The following CLASP2 variants were observed in gnomAD, a reference collection of about 807,000 sequenced individuals.
CLASP2 encodes cytoplasmic linker associated protein 2.
In CLASP2, 47 loss-of-function variants were observed where a neutral mutation model predicts 194.4. The ratio of observed to expected loss-of-function variants is 0.24; its 90% CI spans 0.19 to 0.31. CLASP2 has a LOEUF of 0.31. Among genes scored for constraint, CLASP2 ranks in the 10% least tolerant of loss-of-function variants. CLASP2 has a pLI of 1.00. For synonymous variants in CLASP2, 619 were observed against 633.5 expected (o/e 0.98, Z 0.34); for missense variants, 1,445 against 1,823.6 (o/e 0.79, Z 3.78).
intron 8 of CLASP2, among the ~76,000 whole-genome samples, chr3:33,633,721 G>A (rs1349792829): frequency 1.3e-5 from 2 of 151,534 alleles, no homozygotes; most frequent in African/African-American, 4.9e-5. Context: ...GGGGGTGGGG[G>A]GATGAAACAA....
At chr3:33,637,918 G>C (rs1559484866) in intron 8 of CLASP2, among the ~76,000 whole-genome samples, 1 of 152,152 alleles carries the variant, frequency 6.6e-6, no homozygotes, top group African/African-American at 2.4e-5. Flanking sequence ...ATAAAGATCT[G>C]CATTTTCTGT....
intron 38 of CLASP2, among the ~76,000 whole-genome samples, chr3:33,500,933 C>T (rs1030430339): frequency 2.0e-5 from 3 of 152,094 alleles, no homozygotes; most frequent in South Asian, 2.1e-4. Flanking sequence ...ATTAGAGACA[C>T]GGTCTTCTCA....
intron 9 of CLASP2, among the ~76,000 whole-genome samples, chr3:33,630,982 A>G (rs929990533): frequency 1.3e-5 from 2 of 152,244 alleles, no homozygotes; most frequent in Non-Finnish European, 2.9e-5. Flanking sequence ...GAAAAAACAT[A>G]TATCTCAATA....
At chr3:33,613,167 G>C (rs1390295886) in intron 12 of CLASP2, among the ~76,000 whole-genome samples, 1 of 152,100 alleles carries the variant, frequency 6.6e-6, no homozygotes, top group Non-Finnish European at 1.5e-5. Context: ...TTAATTTTTT[G>C]TAAATGCCCT....
At chr3:33,591,671 G>T (rs895385909) in intron 21 of CLASP2, among the ~76,000 whole-genome samples, 2 of 152,152 alleles carry the variant, frequency 1.3e-5, no homozygotes, top group African/African-American at 4.8e-5. Context: ...CTGAAACATA[G>T]AAATAATTAA....
intron 2 of CLASP2, among the ~76,000 whole-genome samples, chr3:33,693,950 T>C (rs938806960): frequency 6.6e-6 from 1 of 151,990 alleles, no homozygotes; most frequent in African/African-American, 2.4e-5. Flanking sequence ...GTTAATGTAA[T>C]TTATTAAGTA....
chr3:33,584,990 T>C (rs2067026673), intron 21 of CLASP2, 70 bp from the exon 22 acceptor site: 3 of 1,375,900 alleles, frequency 2.2e-6, no homozygotes, highest in Middle Eastern at 1.9e-4. Context: ...GGATAAAAAT[T>C]CAAGAAATAT....
chr3:33,607,155 A>C (rs1422214816), intron 15 of CLASP2, among the ~76,000 whole-genome samples: 3 of 152,234 alleles, frequency 2.0e-5, no homozygotes, highest in African/African-American at 7.2e-5. Context: ...ATTCATGATG[A>C]AAGTGAATAG....
intron 34 of CLASP2, among the ~76,000 whole-genome samples, chr3:33,526,316 T>A (rs1263597776): frequency 2.0e-5 from 3 of 151,960 alleles, no homozygotes; most frequent in Non-Finnish European, 4.4e-5. Flanking sequence ...AAACAAAAAA[T>A]CAGAGGTTGC....
chr3:33,708,535 T>C (rs1423616446), intron 1 of CLASP2, among the ~76,000 whole-genome samples: 37 of 13,330 alleles, frequency 2.8e-3, no homozygotes, highest in South Asian at 0.012. Flanking sequence ...TATATATATA[T>C]GTATATATGT....
At chr3:33,514,750 T>C (rs1369692984) in intron 36 of CLASP2, 5 of 251,966 alleles carry the variant, frequency 2.0e-5, no homozygotes, top group African/African-American at 4.4e-5. Context: ...CAATTGGCAA[T>C]TGCAAAAATA....
At chr3:33,499,746 C>T (rs1448404644) in intron 38 of CLASP2, among the ~76,000 whole-genome samples, 3 of 152,110 alleles carry the variant, frequency 2.0e-5, no homozygotes, top group Non-Finnish European at 4.4e-5. Flanking sequence ...CAATTGAGTA[C>T]TAGGTGTTAC....
intron 23 of CLASP2, chr3:33,577,362 G>GT: frequency 1.1e-6 from 1 of 918,192 alleles, no homozygotes; most frequent in Non-Finnish European, 1.7e-6. Flanking sequence ...TAACACTGGT[G>GT]TTATTCTTTA....
intron 21 of CLASP2, among the ~76,000 whole-genome samples, chr3:33,589,579 A>G (rs1456300045): frequency 1.3e-5 from 2 of 152,184 alleles, no homozygotes; most frequent in African/African-American, 4.8e-5. Flanking sequence ...GCAAACAAAC[A>G]AAAGTCCCTC....
At chr3:33,529,510 T>C (rs2055583741) in intron 34 of CLASP2, among the ~76,000 whole-genome samples, 2 of 152,156 alleles carry the variant, frequency 1.3e-5, no homozygotes, top group South Asian at 4.1e-4. Context: ...AGCCAGAAAT[T>C]AGACTGCAAA....
chr3:33,589,558 T>C (rs1057458818), intron 21 of CLASP2, among the ~76,000 whole-genome samples: 1 of 152,102 alleles, frequency 6.6e-6, no homozygotes, highest in Admixed American at 6.5e-5. Context: ...GTCATTCAAA[T>C]AAATAAGCAA....
rs952391400 is a variant in CLASP2 at position 33,516,032 on chromosome 3, A to C, written c.4101T>G (p.Pro1367=). The C allele has an allele frequency of 1.2e-6, 2 of 1,610,002 alleles. No individual in the cohort carries two copies. The highest frequency in any genetic ancestry group is 1.7e-6 in the Non-Finnish European group (2 of 1,178,358). Residue 1367 remains proline (P), a synonymous_variant, in exon 36 of 39, where the codon CCT becomes CCG. Transcript: ENST00000682230. ...CGGCCAGGTAACTTACCTCCTTATG[A>C]GGATCTTTATGTGCTTCCAATGTTT... ...VMKTLEAHKD[P]HKEVVRSAEE... is the part of the protein sequence containing the mutation.
chr3:33,639,570 G>A (rs908437558), intron 8 of CLASP2, among the ~76,000 whole-genome samples: 4 of 151,776 alleles, frequency 2.6e-5, no homozygotes, highest in African/African-American at 9.7e-5. Flanking sequence ...ACAAAATTGG[G>A]GTCAAATAAT....
chr3:33,571,574 G>A (rs2063779821), intron 25 of CLASP2, among the ~76,000 whole-genome samples: 1 of 151,732 alleles, frequency 6.6e-6, no homozygotes, highest in Admixed American at 6.6e-5. Context: ...GGCAGAGGTT[G>A]CACTGAGCTG....
Sources: allele counts gnomAD v4.1 joint callset (sites outside exome capture counted in the v4.1 genomes callset), GRCh38; gene constraint gnomAD v4.1.1; transcripts MANE v1.5; gene names NCBI Gene and HGNC (gene_info 2026-07-23, HGNC 2026-07-21).